SHQ1: variants seen among roughly 807,000 people sequenced by gnomAD.
SHQ1 encodes the protein SHQ1, H/ACA ribonucleoprotein assembly factor.
In SHQ1, 49 loss-of-function variants were observed where a neutral mutation model predicts 53.8. The observed-to-expected ratio is 0.91, with a 90% CI of 0.72 to 1.16. SHQ1 has a LOEUF of 1.16. Ranked by LOEUF, SHQ1 falls within the 50% of genes most tolerant of loss-of-function variation. The probability of loss-of-function intolerance (pLI) is 0.00; values close to 1 mark genes in which losing one functional copy is unlikely to be tolerated. For missense variants in SHQ1, 738 were observed against 683.1 expected (o/e 1.08, Z -0.90); for synonymous variants, 243 against 251.0 (o/e 0.97, Z 0.30).
intron 10 of SHQ1, among the ~76,000 whole-genome samples, chr3:72,791,141 C>T (rs1275475535): frequency 6.6e-6 from 1 of 152,130 alleles, no homozygotes; most frequent in Non-Finnish European, 1.5e-5. Flanking sequence ...GATCCTGGTA[C>T]ATACCTCAAT....
At chr3:72,762,551 CTTGGAA>C (rs1478962024) in intron 10 of SHQ1, among the ~76,000 whole-genome samples, 2 of 152,196 alleles carry the variant, frequency 1.3e-5, no homozygotes, top group African/African-American at 2.4e-5. Context: ...CCATGAACCT[CTTGGAA>C]TTGTATACCT....
intron 3 of SHQ1, among the ~76,000 whole-genome samples, chr3:72,842,032 T>C (rs1445780467): frequency 6.6e-6 from 1 of 152,226 alleles, no homozygotes; most frequent in Non-Finnish European, 1.5e-5. Context: ...CTCAAGATGC[T>C]AATATTTTGC....
chr3:72,843,380 G>C (rs17010219), intron 2 of SHQ1, among the ~76,000 whole-genome samples: 4,540 of 152,264 alleles, frequency 0.03, 198 homozygotes, highest in African/African-American at 0.089. Flanking sequence ...TATCCCTAAA[G>C]TCTATGGCAG....
At chr3:72,808,913 T>C (rs1707035237) in intron 9 of SHQ1, among the ~76,000 whole-genome samples, 2 of 152,158 alleles carry the variant, frequency 1.3e-5, no homozygotes, top group Non-Finnish European at 2.9e-5. Flanking sequence ...ATTCATTCAC[T>C]GAATATTCAC....
chr3:72,843,837 G>A (rs4676894), intron 2 of SHQ1, among the ~76,000 whole-genome samples: 58,273 of 151,796 alleles, frequency 0.38, 11,766 homozygotes, highest in East Asian at 0.66. Flanking sequence ...TAAATCCGAT[G>A]ACAAAGGAAG....
rs568348748 is a variant in SHQ1, at chr3:72,828,008, C to A, written c.600-3457G>T. Among the ~76,000 whole-genome samples, 21 of 152,226 alleles carry A rather than the reference C, an allele frequency of 1.4e-4. 1 individual carries two copies. The highest frequency in any genetic ancestry group is 4.8e-4 in the African/African-American group (20 of 41,546). On this transcript the variant is annotated intron_variant, in intron 5 of 10. Transcript: ENST00000325599. Reference sequence around the variant, plus strand: ...CTGACCTCATGACCCACCCCCTCAGCCTCCCAAAGTGCTGGGATTACAGGC... The same window carrying A: ...CTGACCTCATGACCCACCCCCTCAGACTCCCAAAGTGCTGGGATTACAGGC...
chr3:72,838,448 T>G (rs1708063067), intron 4 of SHQ1, among the ~76,000 whole-genome samples: 1 of 152,230 alleles, frequency 6.6e-6, no homozygotes, highest in Non-Finnish European at 1.5e-5. Context: ...TTTAGATGAT[T>G]AAGCCATTTT....
chr3:72,787,038 T>G (rs1448258359), intron 10 of SHQ1, among the ~76,000 whole-genome samples: 1 of 152,234 alleles, frequency 6.6e-6, no homozygotes, highest in Non-Finnish European at 1.5e-5. Context: ...TTAAGCTTTC[T>G]AAAATTTTAG....
At chr3:72,745,239 G>A (rs1249581659), downstream of SHQ1, among the ~76,000 whole-genome samples, 1 of 151,636 alleles carries the variant, frequency 6.6e-6, no homozygotes. Flanking sequence ...TTTGATCCAC[G>A]TAACCAAAGT....
intron 10 of SHQ1, among the ~76,000 whole-genome samples, chr3:72,762,230 G>A (rs1705627174): frequency 6.6e-6 from 1 of 152,128 alleles, no homozygotes; most frequent in African/African-American, 2.4e-5. Context: ...TGAAAAGAAT[G>A]GCTCTCATAA....
chr3:72,833,570 T>C (rs865898028), intron 4 of SHQ1, among the ~76,000 whole-genome samples: 4 of 146,094 alleles, frequency 2.7e-5, no homozygotes, highest in Non-Finnish European at 1.5e-5. Context: ...GATAGATAGA[T>C]AGAATTTTTA....
intron 6 of SHQ1, among the ~76,000 whole-genome samples, chr3:72,820,815 C>T (rs554901767): frequency 7.3e-4 from 111 of 152,306 alleles, no homozygotes; most frequent in African/African-American, 2.6e-3. Context: ...GAGGAGGAAA[C>T]TGGTGCCCTA....
rs1575671420 is a variant in SHQ1, at chr3:72,750,216, G to T, written c.*68C>A. 1 of 1,296,750 alleles carries T rather than the reference G, an allele frequency of 7.7e-7. No homozygotes were observed. Among genetic ancestry groups the T allele is most frequent in the Admixed American group, 2.2e-5 (1 of 44,498 alleles). 80.3% of individuals were successfully genotyped at this position (1,296,750 alleles called of 1,614,324 possible). On this transcript the variant is annotated 3_prime_UTR_variant, in exon 11 of 11. Coordinates refer to ENST00000325599, the MANE Select transcript of SHQ1 (RefSeq NM_018130.3). ...AGAAAAATTACAAAGTGAAAATGAA[G>T]AATTCTCATTCGGTAAATGAAACCC...
At chr3:72,836,591 T>C (rs927227776) in intron 4 of SHQ1, among the ~76,000 whole-genome samples, 1 of 152,092 alleles carries the variant, frequency 6.6e-6, no homozygotes, top group Non-Finnish European at 1.5e-5. Context: ...CAGCAGAACA[T>C]GAGTGTTCAG....
intron 10 of SHQ1, among the ~76,000 whole-genome samples, chr3:72,767,150 G>C (rs1459669351): frequency 6.6e-6 from 1 of 152,132 alleles, no homozygotes; most frequent in African/African-American, 2.4e-5. Flanking sequence ...TCAGACTTGA[G>C]GGCTTCCAAA....
chr3:72,791,604 T>C (rs1575695987), intron 10 of SHQ1, among the ~76,000 whole-genome samples: 1 of 152,248 alleles, frequency 6.6e-6, no homozygotes, highest in Non-Finnish European at 1.5e-5. Flanking sequence ...ATCATGGCGG[T>C]AGCAAAAATA....
chr3:72,790,322 A>G (rs1331767555), intron 10 of SHQ1, among the ~76,000 whole-genome samples: 1 of 152,240 alleles, frequency 6.6e-6, no homozygotes, highest in Non-Finnish European at 1.5e-5. Context: ...CTACGTTTCA[A>G]TAGGTTTTTG....
intron 8 of SHQ1, among the ~76,000 whole-genome samples, chr3:72,814,195 A>T (rs1340997313): frequency 6.6e-6 from 1 of 152,206 alleles, no homozygotes; most frequent in African/African-American, 2.4e-5. Context: ...AAATAGGTGA[A>T]TTTTCATGTA....
intron 5 of SHQ1, among the ~76,000 whole-genome samples, chr3:72,830,566 T>A (rs1314728367): frequency 6.6e-6 from 1 of 152,146 alleles, no homozygotes; most frequent in African/African-American, 2.4e-5. Flanking sequence ...TTTAGTTGCA[T>A]TTCATTTAAT....
Sources: allele counts gnomAD v4.1 joint callset (sites outside exome capture counted in the v4.1 genomes callset), GRCh38; gene constraint gnomAD v4.1.1; transcripts MANE v1.5; gene names NCBI Gene and HGNC (gene_info 2026-07-23, HGNC 2026-07-21).